Variants in SYT1 observed in about 807,000 individuals in gnomAD.
SYT1 encodes the protein synaptotagmin 1.
SYT1 carries 8 observed loss-of-function variants against 44.8 expected under a neutral mutation model. That is an observed-to-expected ratio of 0.18 (90% CI 0.10 to 0.32). SYT1 has a LOEUF of 0.32. Among genes scored for constraint, SYT1 ranks in the 10% least tolerant of loss-of-function variants. The pLI is 1.00. For missense variants in SYT1, 286 were observed against 509.3 expected (o/e 0.56, Z 4.22); for synonymous variants, 154 against 188.8 (o/e 0.82, Z 1.51).
chr12:78,938,544 G>A (rs929516214), intron 1 of SYT1, among the ~76,000 whole-genome samples: 4 of 151,950 alleles, frequency 2.6e-5, no homozygotes, highest in African/African-American at 4.8e-5. Flanking sequence ...TATTTGCACA[G>A]GTGCAAGTAA....
chr12:79,129,271 A>C (rs1868649893), intron 3 of SYT1, among the ~76,000 whole-genome samples: 1 of 152,212 alleles, frequency 6.6e-6, no homozygotes, highest in Non-Finnish European at 1.5e-5. Flanking sequence ...TACACATGCT[A>C]TTAAGGTGAT....
chr12:79,161,501 G>C (rs1269203212), intron 3 of SYT1, among the ~76,000 whole-genome samples: 1 of 152,088 alleles, frequency 6.6e-6, no homozygotes, highest in Non-Finnish European at 1.5e-5. Context: ...TTTTCAGACT[G>C]TATTCCATCG....
intron 4 of SYT1, among the ~76,000 whole-genome samples, chr12:79,245,494 A>G (rs1041362093): frequency 6.7e-6 from 1 of 149,134 alleles, no homozygotes; most frequent in African/African-American, 2.5e-5. Context: ...AAAAAAGAAA[A>G]GAAAAAAGAA....
chr12:78,950,389 C>T (rs1878898820), intron 1 of SYT1, among the ~76,000 whole-genome samples: 1 of 152,044 alleles, frequency 6.6e-6, no homozygotes. Flanking sequence ...TCATGCAACA[C>T]ACACACTTCT....
At chr12:79,064,872 ATTAGT>A (rs1592715136) in intron 3 of SYT1, among the ~76,000 whole-genome samples, 1 of 151,216 alleles carries the variant, frequency 6.6e-6, no homozygotes, top group African/African-American at 2.4e-5. Context: ...ACTCTGTAGC[ATTAGT>A]TTAGTTTCTC....
intron 4 of SYT1, among the ~76,000 whole-genome samples, chr12:79,276,762 A>G (rs545624287): frequency 6.6e-6 from 1 of 152,128 alleles, no homozygotes. Context: ...TTAACAGTAA[A>G]CTAGACCAAG....
intron 9 of SYT1, among the ~76,000 whole-genome samples, chr12:79,412,090 G>C (rs1182923828): frequency 1.3e-5 from 2 of 152,274 alleles, no homozygotes; most frequent in South Asian, 2.1e-4. Flanking sequence ...ACTTGGAAGA[G>C]GGCCACACAG....
At chr12:79,362,032 T>G (rs1304776230) in intron 9 of SYT1, among the ~76,000 whole-genome samples, 1 of 152,150 alleles carries the variant, frequency 6.6e-6, no homozygotes. Context: ...AAATTTGAAT[T>G]GCAATAGACA....
chr12:78,895,704 T>C (rs1391265287), intron 1 of SYT1, among the ~76,000 whole-genome samples: 1 of 151,824 alleles, frequency 6.6e-6, no homozygotes, highest in Non-Finnish European at 1.5e-5. Context: ...GAGCTAATTC[T>C]ATACTATTAA....
At chr12:79,298,172 G>C (rs1242903709) in intron 7 of SYT1, among the ~76,000 whole-genome samples, 1 of 152,028 alleles carries the variant, frequency 6.6e-6, no homozygotes, top group Non-Finnish European at 1.5e-5. Context: ...AGTCTAGAGA[G>C]ATTTTAGATA....
chr12:78,951,090 C>G (rs1279053934), intron 1 of SYT1, among the ~76,000 whole-genome samples: 1 of 152,118 alleles, frequency 6.6e-6, no homozygotes, highest in African/African-American at 2.4e-5. Flanking sequence ...CGTATGTATT[C>G]TCTCCAGAGT....
intron 1 of SYT1, among the ~76,000 whole-genome samples, chr12:78,963,651 AAAAAC>A (rs1000166289): frequency 6.6e-6 from 1 of 152,180 alleles, no homozygotes; most frequent in African/African-American, 2.4e-5. Flanking sequence ...CAAACAAAAC[AAAAAC>A]AAAACAAACA....
intron 3 of SYT1, among the ~76,000 whole-genome samples, chr12:79,097,863 G>T (rs1348585062): frequency 6.6e-6 from 1 of 152,028 alleles, no homozygotes; most frequent in East Asian, 1.9e-4. Flanking sequence ...CTAGGGAAAA[G>T]CTTAGTTTCT....
At chr12:79,279,976 A>G (rs1878957762) in intron 4 of SYT1, among the ~76,000 whole-genome samples, 1 of 152,036 alleles carries the variant, frequency 6.6e-6, no homozygotes, top group African/African-American at 2.4e-5. Context: ...CAAAACACTG[A>G]TAAAAGAAAT....
intron 2 of SYT1, among the ~76,000 whole-genome samples, chr12:78,994,259 C>A (rs1479158112): frequency 6.6e-6 from 1 of 152,080 alleles, no homozygotes; most frequent in Non-Finnish European, 1.5e-5. Flanking sequence ...CTTAAGTGAG[C>A]CTTTATCATT....
chr12:78,920,401 C>T (rs1053360960), intron 1 of SYT1, among the ~76,000 whole-genome samples: 6 of 151,898 alleles, frequency 4.0e-5, no homozygotes, highest in African/African-American at 1.4e-4. Context: ...GCATCATAGA[C>T]AAACAGATGA....
At chr12:78,980,761 CA>C (rs1869191040) in intron 2 of SYT1, among the ~76,000 whole-genome samples, 1 of 151,596 alleles carries the variant, frequency 6.6e-6, no homozygotes, top group African/African-American at 2.4e-5. Flanking sequence ...GCCAATTAGA[CA>C]AAAAATATTA....
intron 4 of SYT1, among the ~76,000 whole-genome samples, chr12:79,262,026 A>G (rs1877856704): frequency 6.6e-6 from 1 of 152,208 alleles, no homozygotes; most frequent in Non-Finnish European, 1.5e-5. Flanking sequence ...TAACTGCTCT[A>G]TGAGATCAAT....
chr12:78,992,627 A>G (rs1480283630), intron 2 of SYT1, among the ~76,000 whole-genome samples: 5 of 152,294 alleles, frequency 3.3e-5, no homozygotes, highest in African/African-American at 7.2e-5. Context: ...ATGTCAGCCT[A>G]CAGAATTGGA....
Sources: gnomAD v4.1 joint callset for allele counts (sites outside exome capture counted in the v4.1 genomes callset) on GRCh38, gnomAD v4.1.1 for gene constraint, MANE v1.5 for transcripts, NCBI Gene and HGNC (gene_info 2026-07-23, HGNC 2026-07-21) for gene names.